Variants in PLCB1 observed in about 807,000 individuals in gnomAD.
PLCB1 encodes the protein 1-phosphatidylinositol 4,5-bisphosphate phosphodiesterase beta-1.
In PLCB1, 46 loss-of-function variants were observed where a neutral mutation model predicts 161.8. That is an observed-to-expected ratio of 0.28 (90% CI 0.22 to 0.36). The LOEUF (loss-of-function observed/expected upper bound fraction) is 0.36. PLCB1 is among the 10% of genes least tolerant of loss of function. The pLI, the probability that PLCB1 is intolerant of heterozygous loss-of-function variation, is 1.00. For synonymous variants in PLCB1, 517 were observed against 503.7 expected (o/e 1.03, Z -0.35); for missense variants, 1,016 against 1,472.5 (o/e 0.69, Z 5.07).
At chr20:8,863,443 C>T (rs1380587026) in intron 31 of PLCB1, among the ~76,000 whole-genome samples, 1 of 152,180 alleles carries the variant, frequency 6.6e-6, no homozygotes, top group Admixed American at 6.5e-5. Context: ...ATCAATAGTT[C>T]TCACACTTTG....
intron 3 of PLCB1, 67 bp downstream of exon 3, chr20:8,371,517 A>G (rs1986903579): frequency 9.2e-7 from 1 of 1,082,304 alleles, no homozygotes; most frequent in Non-Finnish European, 1.4e-6. Flanking sequence ...CACAATATCA[A>G]TTAATTGCCC....
intron 2 of PLCB1, among the ~76,000 whole-genome samples, chr20:8,318,450 C>T (rs1225971791): frequency 6.7e-6 from 1 of 149,356 alleles, no homozygotes; most frequent in African/African-American, 2.4e-5. Context: ...AGAAATTGCC[C>T]CCCCCCTTTT....
intron 3 of PLCB1, among the ~76,000 whole-genome samples, chr20:8,436,044 G>A (rs1980285591): frequency 6.6e-6 from 1 of 152,112 alleles, no homozygotes; most frequent in African/African-American, 2.4e-5. Flanking sequence ...CCATCATTAA[G>A]GATATTGAAT....
intron 3 of PLCB1, among the ~76,000 whole-genome samples, chr20:8,393,284 AT>A (rs1300772048): frequency 6.6e-6 from 1 of 152,132 alleles, no homozygotes; most frequent in Non-Finnish European, 1.5e-5. Flanking sequence ...GTGAACAGTT[AT>A]TGTATTTTTT....
chr20:8,827,080 A>T (rs1324071917), intron 31 of PLCB1, among the ~76,000 whole-genome samples: 2 of 152,236 alleles, frequency 1.3e-5, no homozygotes, highest in Non-Finnish European at 2.9e-5. Flanking sequence ...ACAAGTAATT[A>T]AGGAAACCAC....
At chr20:8,180,948 T>A (rs1476439445) in intron 2 of PLCB1, among the ~76,000 whole-genome samples, 1 of 91,234 alleles carries the variant, frequency 1.1e-5, no homozygotes, top group Non-Finnish European at 2.1e-5. Context: ...AGTGTGTGTG[T>A]GTGTGTGTGT....
chr20:8,480,314 A>G (rs200236283), intron 3 of PLCB1, among the ~76,000 whole-genome samples: 1 of 151,812 alleles, frequency 6.6e-6, no homozygotes, highest in East Asian at 1.9e-4. Flanking sequence ...AGAGAAAAAC[A>G]ACAGATTTGG....
Position 8,398,661 on chromosome 20 carries a change from C to T in PLCB1, c.246+27211C>T, listed in dbSNP as rs551189410. ...ATGGCCTAATCACTTCCCAAAGTCCCTACCTCCAACGCCCTATCACGTTGG... is the reference window on the plus strand; with the variant it reads ...ATGGCCTAATCACTTCCCAAAGTCCTTACCTCCAACGCCCTATCACGTTGG... On this transcript the variant is annotated intron_variant, in intron 3 of 31. Transcript: ENST00000338037. 2.6e-5 allele frequency among the ~76,000 whole-genome samples: 4 copies of T among 152,184 alleles called. No individual in the cohort carries two copies. The South Asian group carries it at 6.2e-4, about 24-fold the overall frequency.
chr20:8,138,594 A>G (rs1377025647), intron 1 of PLCB1, among the ~76,000 whole-genome samples: 2 of 152,186 alleles, frequency 1.3e-5, no homozygotes, highest in African/African-American at 2.4e-5. Context: ...TTTCTGTTCT[A>G]TGTCTGATCC....
intron 7 of PLCB1, chr20:8,651,593 C>A (rs1989323626): frequency 1.4e-6 from 1 of 690,880 alleles, no homozygotes; most frequent in Admixed American, 2.1e-5. Flanking sequence ...CCGACTTCAA[C>A]AAATATTTCT....
intron 3 of PLCB1, among the ~76,000 whole-genome samples, chr20:8,579,648 C>A (rs1246767139): frequency 2.0e-5 from 3 of 152,096 alleles, no homozygotes; most frequent in African/African-American, 7.2e-5. Context: ...GATGTGATAT[C>A]AAATTAAATT....
chr20:8,697,022 T>G (rs1186939433), intron 10 of PLCB1, among the ~76,000 whole-genome samples: 2 of 152,112 alleles, frequency 1.3e-5, no homozygotes, highest in Admixed American at 6.5e-5. Flanking sequence ...CGTGAGCCAC[T>G]GTGCCTGGCC....
In PLCB1 at chr20:8,556,433, G is replaced by A. The variant is rs1985954680; in HGVS notation, c.247-71861G>A. 2.0e-5 allele frequency among the ~76,000 whole-genome samples: 3 copies of A among 152,020 alleles called. No individual in the cohort carries two copies. In the South Asian group the frequency reaches 6.2e-4, roughly 31 times the overall value. On this transcript the variant is annotated intron_variant, in intron 3 of 31. Coordinates refer to ENST00000338037, the MANE Select transcript of PLCB1 (RefSeq NM_015192.4). The stretch of plus-strand genomic sequence containing the variant: ...CAATAGACAACCCTAAATACTGGAA[G>A]GAAAAGCTGGAGAATGAGTTACTTT...
intron 31 of PLCB1, among the ~76,000 whole-genome samples, chr20:8,831,744 C>G (rs530911003): frequency 1.2e-4 from 19 of 152,290 alleles, no homozygotes; most frequent in Admixed American, 6.5e-5. Context: ...ATCCTCCCAC[C>G]TCAGCCTCCC....
chr20:8,600,369 T>C (rs1336747599), intron 3 of PLCB1, among the ~76,000 whole-genome samples: 1 of 111,788 alleles, frequency 8.9e-6, no homozygotes, highest in Non-Finnish European at 1.9e-5. Flanking sequence ...GTGTGAGGTG[T>C]CAGTGTGCCC....
In PLCB1 at chr20:8,320,816, AGG is replaced by A. The variant is rs1229488288; in HGVS notation, c.178-50564_178-50563del. Among the ~76,000 whole-genome samples, 28 of 131,818 alleles carry A rather than the reference AGG, an allele frequency of 2.1e-4. 1 individual carries two copies. The highest frequency in any genetic ancestry group is 3.2e-5 in the Non-Finnish European group (2 of 62,616). 86.5% of individuals were successfully genotyped at this position (131,818 alleles called of 152,430 possible). On this transcript the variant is annotated intron_variant, in intron 2 of 31. Transcript: ENST00000338037. Reference sequence around the variant, plus strand: ...AAAGAAAGAAGAAAGAAAGAAAGAAAGGGAGGGAGGGAGAGAGGGAGGGAGGG... The same window carrying A: ...AAAGAAAGAAGAAAGAAAGAAAGAAAGAGGGAGGGAGAGAGGGAGGGAGGG...
At chr20:8,698,214 C>T (rs1990622693) in intron 11 of PLCB1, among the ~76,000 whole-genome samples, 1 of 152,128 alleles carries the variant, frequency 6.6e-6, no homozygotes, top group Admixed American at 6.5e-5. Flanking sequence ...TATCCATTCC[C>T]ATCAGAATGT....
intron 2 of PLCB1, among the ~76,000 whole-genome samples, chr20:8,162,584 G>C (rs1270286782): frequency 6.6e-6 from 1 of 152,190 alleles, no homozygotes; most frequent in Non-Finnish European, 1.5e-5. Flanking sequence ...CTGTTAGAAT[G>C]TTTGGTTTTT....
intron 31 of PLCB1, among the ~76,000 whole-genome samples, chr20:8,812,060 T>G (rs533209418): frequency 6.6e-6 from 1 of 152,252 alleles, no homozygotes; most frequent in Admixed American, 6.5e-5. Flanking sequence ...AGGTATTTTT[T>G]TTTCAAATTT....
Sources: allele counts gnomAD v4.1 joint callset (sites outside exome capture counted in the v4.1 genomes callset), GRCh38; gene constraint gnomAD v4.1.1; transcripts MANE v1.5; gene names NCBI Gene and HGNC (gene_info 2026-07-23, HGNC 2026-07-21).